Variants in SSU72L2 observed in about 807,000 individuals in gnomAD.
The protein encoded by SSU72L2 is SSU72 like 2, also known as RNA polymerase II subunit A C-terminal domain phosphatase SSU72 like protein 2.
the SSU72L2 span, chr11:4,241,995 C>T: frequency 1.7e-6 from 1 of 605,986 alleles, no homozygotes; most frequent in African/African-American, 1.9e-5. Context: ...CACAATAAAT[C>T]CGGACTAAAG....
the SSU72L2 span, chr11:4,241,958 C>A: frequency 1.7e-6 from 1 of 590,182 alleles, no homozygotes; most frequent in Non-Finnish European, 3.0e-6. Flanking sequence ...AAACAGTACT[C>A]AGTGGAAGGT....
At chr11:4,242,040 AAGCC>A in the SSU72L2 span, 2 of 610,614 alleles carry the variant, frequency 3.3e-6, no homozygotes, top group South Asian at 4.0e-5. Flanking sequence ...GAAGGGGACA[AAGCC>A]AGCCCAGATG....
chr11:4,241,987 C>T, the SSU72L2 span: 1 of 603,974 alleles, frequency 1.7e-6, no homozygotes, highest in Non-Finnish European at 2.9e-6. Flanking sequence ...ATGCTTCTCA[C>T]AATAAATCCG....
chr11:4,241,683 T>C, the SSU72L2 span, among the ~76,000 whole-genome samples: 1 of 146,532 alleles, frequency 6.8e-6, no homozygotes, highest in Non-Finnish European at 1.5e-5. Flanking sequence ...ATCTATACAA[T>C]GTTATTTATC....
chr11:4,242,044 C>T, the SSU72L2 span: 1 of 609,878 alleles, frequency 1.6e-6, no homozygotes, highest in African/African-American at 1.9e-5. Flanking sequence ...GGGACAAAGC[C>T]AGCCCAGATG....
the SSU72L2 span, among the ~76,000 whole-genome samples, chr11:4,241,643 G>C: frequency 8.7e-4 from 124 of 142,940 alleles, 11 homozygotes; most frequent in African/African-American, 3.1e-3. Context: ...CACTCAAATT[G>C]AGAAAAGGAA....
chr11:4,242,686 T>C, the SSU72L2 span: 1 of 576,382 alleles, frequency 1.7e-6, no homozygotes, highest in Non-Finnish European at 3.1e-6. Context: ...CCTCAGCTGC[T>C]GCAGGGTCTC....
chr11:4,241,776 G>A, the SSU72L2 span, among the ~76,000 whole-genome samples: 1 of 148,702 alleles, frequency 6.7e-6, no homozygotes, highest in African/African-American at 2.5e-5. Flanking sequence ...CGTCATGGTG[G>A]GCTAGCTTCC....
chr11:4,241,753 A>T, the SSU72L2 span, among the ~76,000 whole-genome samples: 5,760 of 142,948 alleles, frequency 0.04, 95 homozygotes, highest in East Asian at 0.13. Flanking sequence ...CGGTTTGCTC[A>T]TCTGGAAAAT....
At chr11:4,242,017 A>G in the SSU72L2 span, 1 of 605,328 alleles carries the variant, frequency 1.7e-6, no homozygotes, top group Non-Finnish European at 2.9e-6. Flanking sequence ...CCCATGTCTA[A>G]GTTCTTACTG....
chr11:4,242,688 C>G, the SSU72L2 span: 1 of 575,744 alleles, frequency 1.7e-6, no homozygotes, highest in South Asian at 2.4e-5. Flanking sequence ...TCAGCTGCTG[C>G]AGGGTCTCGG....
the SSU72L2 span, chr11:4,242,010 AT>A: frequency 1.6e-6 from 1 of 614,178 alleles, no homozygotes; most frequent in Non-Finnish European, 2.9e-6. Flanking sequence ...CTAAAGTCCC[AT>A]GTCTAAGTTC....
chr11:4,242,034 G>T, the SSU72L2 span: 15 of 609,900 alleles, frequency 2.5e-5, 1 homozygote, highest in South Asian at 1.0e-4. Context: ...ACTGAGGAAG[G>T]GGACAAAGCC....
At chr11:4,242,507 G>C in the SSU72L2 span, 2 of 774,446 alleles carry the variant, frequency 2.6e-6, no homozygotes, top group Admixed American at 1.7e-5. Context: ...TCTTGGTCCT[G>C]GTAGCCTCAC....
At chr11:4,242,649 C>A in the SSU72L2 span, 1 of 581,366 alleles carries the variant, frequency 1.7e-6, no homozygotes, top group Non-Finnish European at 3.1e-6. Flanking sequence ...ATGATGGCGG[C>A]CACTGGGAAC....
the SSU72L2 span, among the ~76,000 whole-genome samples, chr11:4,241,684 G>C: frequency 8.2e-5 from 12 of 146,374 alleles, no homozygotes; most frequent in Non-Finnish European, 1.5e-4. Context: ...TCTATACAAT[G>C]TTATTTATCT....
chr11:4,241,770 A>C, the SSU72L2 span, among the ~76,000 whole-genome samples: 1 of 149,228 alleles, frequency 6.7e-6, no homozygotes, highest in African/African-American at 2.5e-5. Flanking sequence ...AAATGGCGTC[A>C]TGGTGGGCTA....
At chr11:4,242,016 A>C in the SSU72L2 span, 3 of 614,062 alleles carry the variant, frequency 4.9e-6, no homozygotes, top group Non-Finnish European at 8.6e-6. Flanking sequence ...TCCCATGTCT[A>C]AGTTCTTACT....
the SSU72L2 span, among the ~76,000 whole-genome samples, chr11:4,241,854 T>G: frequency 6.7e-6 from 1 of 148,568 alleles, no homozygotes; most frequent in Non-Finnish European, 1.5e-5. Flanking sequence ...CCAACCATTT[T>G]TCAGTGCTTT....
Sources: allele counts gnomAD v4.1 joint callset (sites outside exome capture counted in the v4.1 genomes callset), GRCh38; gene constraint gnomAD v4.1.1; transcripts MANE v1.5; gene names NCBI Gene and HGNC (gene_info 2026-07-23, HGNC 2026-07-21).